Variants in CHRNA4 observed in about 807,000 individuals in gnomAD.
The protein encoded by CHRNA4 is cholinergic receptor nicotinic alpha 4 subunit.
CHRNA4 carries 28 observed loss-of-function variants against 48.9 expected under a neutral mutation model. The ratio of observed to expected loss-of-function variants is 0.57; its 90% CI spans 0.42 to 0.79. The LOEUF (loss-of-function observed/expected upper bound fraction) is 0.79. Ranked by LOEUF, CHRNA4 falls within the 30% of genes least tolerant of loss-of-function variation. CHRNA4 has a pLI of 0.00. For synonymous variants in CHRNA4, 425 were observed against 402.3 expected, an observed-to-expected ratio of 1.06 and a Z score of -0.68; for missense variants, 859 against 898.4, an observed-to-expected ratio of 0.96 and a Z score of 0.56.
In CHRNA4 at chr20:63,344,516, G is replaced by C. The variant is rs200659131; in HGVS notation, c.*2222C>G. On this transcript the variant is annotated 3_prime_UTR_variant, in exon 6 of 6. Transcript: ENST00000370263. This position sits in a 1 kb window ranked among gnomAD's most constrained non-coding sequence, Gnocchi z 4.5. ...CCTCAAAAAAAAAAAGAAAGGGAAA[G>C]GGGTCTTCCCCCAGGCAAGCGGCCA... 8.7e-4 allele frequency: 392 copies of C among 452,358 alleles called. 5 individuals are homozygous for C. Among genetic ancestry groups the C allele is most frequent in the South Asian group, 5.9e-3 (382 of 64,390 alleles). 28.0% of individuals were successfully genotyped at this position (452,358 alleles called of 1,614,324 possible).
intron 5 of CHRNA4, among the ~76,000 whole-genome samples, chr20:63,348,799 C>G (rs900012282): frequency 1.3e-5 from 2 of 152,034 alleles, no homozygotes; most frequent in Admixed American, 6.5e-5. Flanking sequence ...TGTGCCTCCC[C>G]CCATGTGACA....
intron 2 of CHRNA4, among the ~76,000 whole-genome samples, chr20:63,358,161 G>A (rs988611171): frequency 6.6e-6 from 1 of 152,198 alleles, no homozygotes; most frequent in African/African-American, 2.4e-5. Flanking sequence ...GGCAGCTCCA[G>A]GACACTGAGG....
rs2068451299 is a variant in CHRNA4 at position 63,344,351 on chromosome 20, C to T, written c.*2387G>A. 4.4e-6 allele frequency: 2 copies of T among 453,940 alleles called. No individual in the cohort carries two copies. The highest frequency in any genetic ancestry group is 8.8e-6 in the Non-Finnish European group (2 of 226,798). 28.1% of individuals were successfully genotyped at this position (453,940 alleles called of 1,614,324 possible). ...GGACCTTCTAGGGGCTGGGTCTCCA[C>T]TGAAGAGCATGCATCTCACCATATG... is the stretch of plus-strand genomic sequence containing the variant. On this transcript the variant is annotated 3_prime_UTR_variant, in exon 6 of 6. Transcript: ENST00000370263. The surrounding 1 kb of genome is among the most constrained non-coding windows in gnomAD (Gnocchi z 4.5).
rs45617937 is a variant in CHRNA4 at position 63,344,412 on chromosome 20, C to T, written c.*2326G>A. ...CTTAATTAATAAAAACAGCACTGGA[C>T]GCAAATACGCCAACATTGTTGTCAA... On this transcript the variant is annotated 3_prime_UTR_variant, in exon 6 of 6. Transcript: ENST00000370263. This position sits in a 1 kb window ranked among gnomAD's most constrained non-coding sequence, Gnocchi z 4.5. The T allele has an allele frequency of 0.02, 8,977 of 453,574 alleles. 138 individuals are homozygous for T. Among genetic ancestry groups the T allele is most frequent in the Non-Finnish European group, 0.029 (6,582 of 226,720 alleles). 28.1% of individuals were successfully genotyped at this position (453,574 alleles called of 1,614,324 possible). A position where few individuals can be genotyped will look rare whatever the true frequency, so the allele number is the denominator to read the frequency against.
rs191789990 is a variant in CHRNA4 at position 63,361,347 on chromosome 20, G to A, written c.-182C>T. ...GCGCGGCAGGGAGCGCCGGGCTGTG[G>A]GCTCCGTGGCGCGGCCCCGCCCGGC... is the stretch of plus-strand genomic sequence containing the variant. On this transcript the variant is annotated 5_prime_UTR_variant, in exon 1 of 6. Transcript: ENST00000370263. The A allele has an allele frequency of 0.7, 766,960 of 1,093,790 alleles. 272,881 individuals are homozygous for A. The highest frequency in any genetic ancestry group is 0.73 in the Non-Finnish European group (664,516 of 911,872). The allele number at this position is 1,093,790 out of a possible 1,614,324, so 67.8% of individuals were successfully genotyped here. A position where few individuals can be genotyped will look rare whatever the true frequency, so the allele number is the denominator to read the frequency against.
At position 63,350,694 on chromosome 20, in the gene CHRNA4, G is replaced by A. The variant is rs778749351; in HGVS notation, c.717C>T (p.Ile239=). Residue 239 remains isoleucine, a synonymous_variant, in exon 5 of 6, where the codon ATC becomes ATT. Coordinates refer to ENST00000370263, the MANE Select transcript of CHRNA4 (RefSeq NM_000744.7). ...IYPDITYAFV[I]RRLPLFYTIN... is the part of the protein sequence containing the mutation. ...TGGTGTAGAAGAGCGGCAGCCGCCG[G>A]ATGACGAAGGCATAGGTGATGTCCG... 3.7e-6 allele frequency: 6 copies of A among 1,613,978 alleles called. No individual in the cohort carries two copies. Among genetic ancestry groups the A allele is most frequent in the Middle Eastern group, 3.3e-4 (2 of 6,062 alleles).
At chr20:63,359,465 G>T in intron 2 of CHRNA4, 83 bp downstream of exon 2, 1 of 1,561,674 alleles carries the variant, frequency 6.4e-7, no homozygotes, top group Non-Finnish European at 8.8e-7. Context: ...GTTGATGGCT[G>T]TGTCCCCTCT....
rs71653604 is a variant in CHRNA4, at chr20:63,345,673, G to C, written c.*1065C>G. 3.3e-5 allele frequency: 15 copies of C among 453,828 alleles called. No individual in the cohort carries two copies. Among genetic ancestry groups the C allele is most frequent in the Non-Finnish European group, 6.2e-5 (14 of 226,674 alleles). 28.1% of individuals were successfully genotyped at this position (453,828 alleles called of 1,614,324 possible). A position where few individuals can be genotyped will look rare whatever the true frequency, so the allele number is the denominator to read the frequency against. ...GCTTCTCAGGGACTTCCTGCCCCGA[G>C]GGTCCCAGCATCTCCCAGGTGGAGG... On this transcript the variant is annotated 3_prime_UTR_variant, in exon 6 of 6. Transcript: ENST00000370263. This position sits in a 1 kb window ranked among gnomAD's most constrained non-coding sequence, Gnocchi z 5.4.
At chr20:63,356,708 G>A (rs1475675303) in intron 2 of CHRNA4, 6 of 534,050 alleles carry the variant, frequency 1.1e-5, no homozygotes, top group Non-Finnish European at 1.7e-5. Flanking sequence ...GGCGGGCATG[G>A]GGAGCCTCCT....
At chr20:63,355,848 G>C in intron 4 of CHRNA4, 127 bp downstream of exon 4, 2 of 1,306,564 alleles carry the variant, frequency 1.5e-6, no homozygotes, top group Non-Finnish European at 1.1e-6. Flanking sequence ...GGCATGCATG[G>C]GGCTGGCATA....
Position 63,354,535 on chromosome 20 carries a change from G to C in CHRNA4, c.383+1440C>G, listed in dbSNP as rs551306659. ...GTGGTCCTGGGGGAGCTGTGAACCTGGTGGGGGCTGCAGTCTTTGGAGGGC... is the reference window on the plus strand; with the variant it reads ...GTGGTCCTGGGGGAGCTGTGAACCTCGTGGGGGCTGCAGTCTTTGGAGGGC... On this transcript the variant is annotated intron_variant, in intron 4 of 5. Coordinates refer to ENST00000370263, the MANE Select transcript of CHRNA4 (RefSeq NM_000744.7). The C allele has an allele frequency of 2.5e-5, 24 of 957,892 alleles. No individual in the cohort carries two copies. The South Asian group carries it at 1.1e-3, about 43-fold the overall frequency. The allele number at this position is 957,892 out of a possible 1,614,324, so 59.3% of individuals were successfully genotyped here. A position where few individuals can be genotyped will look rare whatever the true frequency, so the allele number is the denominator to read the frequency against.
chr20:63,359,736 C>T (rs375155371), intron 1 of CHRNA4, 37 bp from the exon 2 acceptor site: 31 of 1,604,328 alleles, frequency 1.9e-5, no homozygotes, highest in Middle Eastern at 2.2e-4. Flanking sequence ...CAGGTGCAGG[C>T]GGGACAGGAG....
chr20:63,345,497 G>A lies in CHRNA4; in HGVS notation c.*1241C>T, dbSNP rs200761411. 1.3e-4 allele frequency: 51 copies of A among 393,718 alleles called. No homozygotes were observed. The highest frequency in any genetic ancestry group is 1.7e-3 in the Middle Eastern group (2 of 1,166). 24.4% of individuals were successfully genotyped at this position (393,718 alleles called of 1,614,324 possible). ...CGCCATCTTTAGGGGGTGCACTGCC[G>A]GGCTCCAGGGTCATGCCTGGAAACA... is the stretch of plus-strand genomic sequence containing the variant. On this transcript the variant is annotated 3_prime_UTR_variant, in exon 6 of 6. Transcript: ENST00000370263. The surrounding 1 kb of genome is among the most constrained non-coding windows in gnomAD (Gnocchi z 5.4).
intron 5 of CHRNA4, among the ~76,000 whole-genome samples, chr20:63,347,366 C>T (rs2068512730): frequency 1.3e-5 from 2 of 152,206 alleles, no homozygotes; most frequent in African/African-American, 2.4e-5. Flanking sequence ...GCAGAGCTGC[C>T]GCCATCTGCA....
At chr20:63,347,309 C>T (rs943410724) in intron 5 of CHRNA4, among the ~76,000 whole-genome samples, 1 of 152,210 alleles carries the variant, frequency 6.6e-6, no homozygotes, top group Non-Finnish European at 1.5e-5. Context: ...GCAAATGTGG[C>T]CCGGTGGGCG....
intron 3 of CHRNA4, 28 bp from the exon 4 acceptor site, chr20:63,356,112 G>A (rs1286265536): frequency 3.8e-6 from 5 of 1,313,064 alleles, no homozygotes; most frequent in Non-Finnish European, 4.2e-6. Context: ...GGGGGAGGCT[G>A]CAGGGTGAGG....
Position 63,346,124 on chromosome 20 carries a change from T to G in CHRNA4, c.*614A>C, listed in dbSNP as rs1399152423. On this transcript the variant is annotated 3_prime_UTR_variant, in exon 6 of 6. Coordinates refer to ENST00000370263, the MANE Select transcript of CHRNA4 (RefSeq NM_000744.7). ...CTCCAAGGCTCCTTAGGCACAAGACTTGAGTTCTCACTAACTTACCCAAAA... is the reference window on the plus strand; with the variant it reads ...CTCCAAGGCTCCTTAGGCACAAGACGTGAGTTCTCACTAACTTACCCAAAA... 2.2e-6 allele frequency: 1 copy of G among 453,958 alleles called. No individual in the cohort carries two copies. Among genetic ancestry groups the G allele is most frequent in the African/African-American group, 2.0e-5 (1 of 50,008 alleles). 28.1% of individuals were successfully genotyped at this position (453,958 alleles called of 1,614,324 possible).
chr20:63,352,580 A>T (rs1404722733), intron 4 of CHRNA4, among the ~76,000 whole-genome samples: 1 of 152,172 alleles, frequency 6.6e-6, no homozygotes, highest in African/African-American at 2.4e-5. Context: ...TCTGGGTGGA[A>T]TCAGGCTCAA....
intron 2 of CHRNA4, among the ~76,000 whole-genome samples, chr20:63,356,955 C>T (rs1184978117): frequency 2.0e-5 from 3 of 152,126 alleles, no homozygotes; most frequent in Non-Finnish European, 4.4e-5. Flanking sequence ...CCACCCCACC[C>T]ACCTCCTTCC....
Sources: allele counts gnomAD v4.1 joint callset (sites outside exome capture counted in the v4.1 genomes callset), GRCh38; gene constraint gnomAD v4.1.1; non-coding constraint Gnocchi (gnomAD v3.1); transcripts MANE v1.5; gene names NCBI Gene and HGNC (gene_info 2026-07-23, HGNC 2026-07-21).